Variants in FILIP1 observed in about 807,000 individuals in gnomAD.
FILIP1 encodes filamin-A-interacting protein 1.
Under a neutral mutation model 102.1 loss-of-function variants are expected in FILIP1, and 61 were observed. That is an observed-to-expected ratio of 0.60 (90% CI 0.49 to 0.74). FILIP1 has a LOEUF of 0.74. Ranked by LOEUF, FILIP1 falls within the 30% of genes least tolerant of loss-of-function variation. FILIP1 has a pLI of 0.00. For synonymous variants in FILIP1, 491 were observed against 526.9 expected (o/e 0.93, Z 0.93); for missense variants, 1,314 against 1,441.2 (o/e 0.91, Z 1.43).
intron 4 of FILIP1, among the ~76,000 whole-genome samples, chr6:75,352,107 T>A (rs960277579): frequency 6.6e-6 from 1 of 152,230 alleles, no homozygotes; most frequent in Non-Finnish European, 1.5e-5. Context: ...ACCAATAATT[T>A]TTTTAAAAAA....
At chr6:75,397,271 TAA>T (rs1417111568) in intron 2 of FILIP1, among the ~76,000 whole-genome samples, 1 of 151,788 alleles carries the variant, frequency 6.6e-6, no homozygotes, top group African/African-American at 2.4e-5. Flanking sequence ...AAAAAAATAA[TAA>T]GTCATGTTAG....
rs1053300060 is a variant in FILIP1 at position 75,467,810 on chromosome 6, G to A, written c.-7+25604C>T. Reference sequence around the variant, plus strand: ...TAAAACCAGCTCAAAACAAGAATAGGAGAGTGCTGCTAATAAATGTTGGGA... The same window carrying A: ...TAAAACCAGCTCAAAACAAGAATAGAAGAGTGCTGCTAATAAATGTTGGGA... On this transcript the variant is annotated intron_variant, in intron 1 of 5. Coordinates refer to ENST00000237172, the MANE Select transcript of FILIP1 (RefSeq NM_015687.5). Among the ~76,000 whole-genome samples, 5 of 152,166 alleles carry A rather than the reference G, an allele frequency of 3.3e-5. No individual in the cohort carries two copies. The East Asian group carries it at 9.6e-4, about 29-fold the overall frequency.
chr6:75,477,682 A>G (rs1006062422), intron 1 of FILIP1, among the ~76,000 whole-genome samples: 2 of 152,174 alleles, frequency 1.3e-5, no homozygotes, highest in Non-Finnish European at 2.9e-5. Context: ...AGTTGAGTAC[A>G]AGGCCTAATG....
intron 3 of FILIP1, among the ~76,000 whole-genome samples, chr6:75,358,781 G>A (rs1018698797): frequency 2.0e-5 from 3 of 151,930 alleles, no homozygotes; most frequent in Non-Finnish European, 4.4e-5. Flanking sequence ...GGAGTGCAGT[G>A]GCACGATCTC....
chr6:75,453,056 G>A lies in FILIP1; in HGVS notation c.-6-38078C>T, dbSNP rs116342125. Among the ~76,000 whole-genome samples, 1,230 of 152,290 alleles carry A rather than the reference G, an allele frequency of 8.1e-3. 19 individuals carry two copies. The highest frequency in any genetic ancestry group is 0.028 in the African/African-American group (1,150 of 41,564). ...AGCAAGGCAAGGGACTGCAGATGAC[G>A]CAGCAGTCTCACCATCAGGCTCAAG... On this transcript the variant is annotated intron_variant, in intron 1 of 5. Coordinates refer to ENST00000237172, the MANE Select transcript of FILIP1 (RefSeq NM_015687.5).
intron 1 of FILIP1, chr6:75,453,866 C>T: frequency 2.3e-6 from 1 of 436,720 alleles, no homozygotes; most frequent in Admixed American, 2.4e-5. Flanking sequence ...TACTTGGGGC[C>T]ATGTCATGTG....
Position 75,414,761 on chromosome 6 carries a change from T to G in FILIP1, c.212A>C (p.Lys71Thr). ...GTCTTCTTTGGATAACTCCAGGGAT[T>G]TCTTAGTTTTTCGTTCACATTCTCC... ...TSGECERKTK[K>T]SLELSKEDLI... The change falls in exon 2 of 6, where the codon AAA (lysine) becomes ACA (threonine). Residue 71 changes from lysine to threonine, a missense_variant. Physicochemically the swap from Lys to Thr is moderately conservative, Grantham distance 78 (BLOSUM62 -1). This residue lies in a region of FILIP1 where 494 missense variants were observed against 511.2 expected (regional missense o/e 0.97). Transcript: ENST00000237172. 6.2e-7 allele frequency: 1 copy of G among 1,613,918 alleles called. No individual in the cohort carries two copies.
intron 2 of FILIP1, among the ~76,000 whole-genome samples, chr6:75,387,004 T>C (rs1327536676): frequency 4.0e-5 from 6 of 151,794 alleles, no homozygotes; most frequent in Admixed American, 6.6e-5. Flanking sequence ...CTATCCCTAA[T>C]GCTATCCTCC....
At chr6:75,328,450 T>C (rs1181901338) in intron 4 of FILIP1, among the ~76,000 whole-genome samples, 1 of 152,030 alleles carries the variant, frequency 6.6e-6, no homozygotes, top group Non-Finnish European at 1.5e-5. Context: ...CTGTTCTCTT[T>C]ACTTTTGTAA....
At chr6:75,307,587 C>T (rs1420962730), downstream of FILIP1, among the ~76,000 whole-genome samples, 1 of 152,132 alleles carries the variant, frequency 6.6e-6, no homozygotes, top group African/African-American at 2.4e-5. Flanking sequence ...TCCACCTTAA[C>T]ATGGTTAATC....
At chr6:75,293,849 A>T (rs963725783) in exon 7 of FILIP1, 2 of 152,200 alleles carry the variant, frequency 1.3e-5, no homozygotes, top group Non-Finnish European at 2.9e-5. Flanking sequence ...GAGTCAAAAA[A>T]TATAACAGTA....
In FILIP1 at chr6:75,405,603, G is replaced by A. The variant is rs139779510; in HGVS notation, c.276+9094C>T. Among the ~76,000 whole-genome samples, 1,159 of 152,252 alleles carry A rather than the reference G, an allele frequency of 7.6e-3. 9 individuals carry two copies. Among genetic ancestry groups the A allele is most frequent in the Middle Eastern group, 0.02 (6 of 294 alleles). On this transcript the variant is annotated intron_variant, in intron 2 of 5. Transcript: ENST00000237172. ...CAAGGCAAGTTACTTCTATAGAAGG[G>A]TGTGCCCTTACAGATAGAGCAATGG...
chr6:75,361,755 A>T (rs1775179827), intron 3 of FILIP1: 1 of 152,226 alleles, frequency 6.6e-6, no homozygotes, highest in Non-Finnish European at 1.5e-5. Context: ...TAATCTGCCT[A>T]TAGCCATACA....
chr6:75,441,295 G>A (rs1432456335), intron 1 of FILIP1, among the ~76,000 whole-genome samples: 5 of 152,086 alleles, frequency 3.3e-5, no homozygotes, highest in Non-Finnish European at 4.4e-5. Flanking sequence ...GCACAGGGTT[G>A]GGGATAAGGT....
At chr6:75,427,682 T>G (rs1777672890) in intron 1 of FILIP1, among the ~76,000 whole-genome samples, 1 of 152,148 alleles carries the variant, frequency 6.6e-6, no homozygotes, top group Non-Finnish European at 1.5e-5. Flanking sequence ...TTCCCTTCCA[T>G]GCTCCTCTTC....
chr6:75,445,488 C>G (rs1213094418), intron 1 of FILIP1, among the ~76,000 whole-genome samples: 1 of 152,138 alleles, frequency 6.6e-6, no homozygotes, highest in Non-Finnish European at 1.5e-5. Context: ...ACTTTCCCTT[C>G]CCTGATTTCC....
At position 75,362,834 on chromosome 6, in the gene FILIP1, T is replaced by G. The variant is rs1775213311; in HGVS notation, c.360A>C (p.Pro120=). ...VLEAHYGSAE[P]EKVLRVLHRD... The stretch of plus-strand genomic sequence containing the variant: ...GGTGCAGGACCCGCAGCACTTTCTC[T>G]GGCTCCGCAGACCCGTAATGAGCCT... The change falls in exon 3 of 6, where the codon CCA becomes CCC. Residue 120 remains proline (P), a synonymous_variant. Transcript: ENST00000237172. 6.2e-7 allele frequency: 1 copy of G among 1,613,904 alleles called. No individual in the cohort carries two copies. Among genetic ancestry groups the G allele is most frequent in the African/African-American group, 1.3e-5 (1 of 74,902 alleles).
At chr6:75,362,638 C>T in intron 3 of FILIP1, 106 bp downstream of exon 3, 1 of 1,046,210 alleles carries the variant, frequency 9.6e-7, no homozygotes, top group Non-Finnish European at 1.4e-6. Flanking sequence ...AGTGTATCAT[C>T]AAAATTTTGC....
chr6:75,353,336 T>C (rs1774875067), intron 4 of FILIP1, among the ~76,000 whole-genome samples: 1 of 152,258 alleles, frequency 6.6e-6, no homozygotes, highest in Non-Finnish European at 1.5e-5. Flanking sequence ...CCTACCTATA[T>C]GCAACCCCCA....
Sources: gnomAD v4.1 joint callset for allele counts (sites outside exome capture counted in the v4.1 genomes callset) on GRCh38, gnomAD v4.1.1 for gene constraint, gnomAD v4.1.1 regional missense constraint, MANE v1.5 for transcripts, NCBI Gene and HGNC (gene_info 2026-07-23, HGNC 2026-07-21) for gene names.